AVPR2: variants seen among roughly 807,000 people sequenced by gnomAD.
AVPR2 encodes arginine vasopressin receptor 2, also known as vasopressin V2 receptor.
A neutral mutation model predicts 12.0 loss-of-function variants in AVPR2; 3 were observed. That is an observed-to-expected ratio of 0.25 (90% CI 0.11 to 0.64). AVPR2 has a LOEUF of 0.64. Among genes scored for constraint, AVPR2 ranks in the 30% least tolerant of loss-of-function variants. The pLI, the probability that AVPR2 is intolerant of heterozygous loss-of-function variation, is 0.84. For missense variants in AVPR2, 279 were observed against 347.9 expected (o/e 0.80, Z 1.58); for synonymous variants, 143 against 147.5 (o/e 0.97, Z 0.22).
rs1557100234 is a variant in AVPR2 at position 153,905,001 on chromosome X, C to T, written c.-145C>T. On this transcript the variant is annotated 5_prime_UTR_variant, in exon 2 of 4. Coordinates refer to ENST00000646375, the MANE Select transcript of AVPR2 (RefSeq NM_000054.7). ...CTGGCCATACTGCCACCGACACGTG[C>T]ACACACGCCAACAGGCATCTGCCAT... is the stretch of plus-strand genomic sequence containing the variant. The T allele has an allele frequency of 1.2e-6, 1 of 855,206 alleles. No homozygotes were observed. Among genetic ancestry groups the T allele is most frequent in the Non-Finnish European group, 1.7e-6 (1 of 573,986 alleles). The allele number at this position is 855,206 out of a possible 1,213,427, so 70.5% of individuals were successfully genotyped here.
At position 153,906,537 on chromosome X, in the gene AVPR2, C is replaced by A. The variant is rs1557101047; in HGVS notation, c.925C>A (p.Leu309Ile). The A allele has an allele frequency of 2.5e-6, 3 of 1,207,179 alleles. No homozygotes were observed. Among genetic ancestry groups the A allele is most frequent in the Middle Eastern group, 4.6e-4 (2 of 4,321 alleles). ...CACCTCCACAGGGGCGCCCTTTGTGCTACTCATGTTGCTGGCCAGCCTCAA... is the reference window on the plus strand; with the variant it reads ...CACCTCCACAGGGGCGCCCTTTGTGATACTCATGTTGCTGGCCAGCCTCAA... The part of the protein sequence containing the change: ...EAPLEGAPFV[L>I]LMLLASLNSC... Residue 309 changes from leucine to isoleucine, a missense_variant, in exon 4 of 4, where the codon CTA (leucine) becomes ATA (isoleucine). Leu to Ile is a conservative substitution (Grantham distance 5). Transcript: ENST00000646375.
chrX:153,902,997 C>A, upstream of AVPR2: 1 of 235,956 alleles, frequency 4.2e-6, no homozygotes, highest in African/African-American at 2.8e-5. Flanking sequence ...CCGTAGTCTC[C>A]CTCAATCATC....
chrX:153,903,390 T>C (rs2064943021), upstream of AVPR2, among the ~76,000 whole-genome samples: 1 of 114,323 alleles, frequency 8.7e-6, no homozygotes, highest in African/African-American at 3.2e-5. Context: ...GCTGCGGGTG[T>C]GTGCGTGTGT....
At position 153,906,943 on chromosome X, in the gene AVPR2, T is replaced by C. The variant is rs1234566546; in HGVS notation, c.*215T>C. On this transcript the variant is annotated 3_prime_UTR_variant, in exon 4 of 4. Coordinates refer to ENST00000646375, the MANE Select transcript of AVPR2 (RefSeq NM_000054.7). ...AGGAGAGCTTCAGGCCCCAGGACTG[T>C]GGGGGCCCCTCAGGTCAGCTCACTG... 2.0e-6 allele frequency: 1 copy of C among 494,950 alleles called. No individual in the cohort carries two copies. The highest frequency in any genetic ancestry group is 3.6e-6 in the Non-Finnish European group (1 of 279,842). 40.8% of individuals were successfully genotyped at this position (494,950 alleles called of 1,213,427 possible). A position where few individuals can be genotyped will look rare whatever the true frequency, so the allele number is the denominator to read the frequency against.
Position 153,905,644 on chromosome X carries a change from A to C in AVPR2, c.138A>C (p.Ile46=), listed in dbSNP as rs782757546. 4 of 1,210,314 alleles carry C rather than the reference A, an allele frequency of 3.3e-6. No homozygotes were observed. In the South Asian group the frequency reaches 7.0e-5, roughly 21 times the overall value. The change falls in exon 3 of 4, where the codon ATA becomes ATC. Residue 46 remains isoleucine, a synonymous_variant. Transcript: ENST00000646375. ...LARAELALLS[I]VFVAVALSNG... Reference sequence around the variant, plus strand: ...GGGCGGAGCTGGCGCTGCTCTCCATAGTCTTTGTGGCTGTGGCCCTGAGCA... The same window carrying C: ...GGGCGGAGCTGGCGCTGCTCTCCATCGTCTTTGTGGCTGTGGCCCTGAGCA...
upstream of AVPR2, chrX:153,902,910 G>A (rs1393222248): frequency 6.0e-5 from 16 of 267,960 alleles, no homozygotes; most frequent in East Asian, 8.3e-4. Flanking sequence ...TGGATTCCTC[G>A]CCCTAGCCGG....
In AVPR2 at chrX:153,905,964, G is replaced by A. The variant is rs144674821; in HGVS notation, c.458G>A (p.Gly153Glu). 8.2e-5 allele frequency: 99 copies of A among 1,204,057 alleles called. No homozygotes were observed. Among genetic ancestry groups the A allele is most frequent in the Admixed American group, 2.0e-4 (9 of 46,103 alleles). Reference sequence around the variant, plus strand: ...ATGCTGGCGTACCGCCATGGAAGTGGGGCTCACTGGAACCGGCCGGTGCTA... The same window carrying A: ...ATGCTGGCGTACCGCCATGGAAGTGAGGCTCACTGGAACCGGCCGGTGCTA... ...RPMLAYRHGS[G>E]AHWNRPVLVA... is the part of the protein sequence containing the mutation. The change falls in exon 3 of 4, where the codon GGG (glycine) becomes GAG (glutamate). Residue 153 changes from glycine (G) to glutamate (E), a missense_variant. By Grantham distance (98) the Gly-to-Glu change is moderately conservative (BLOSUM62 -2). Transcript: ENST00000646375.
Position 153,905,688 on chromosome X carries a change from C to T in AVPR2, c.182C>T (p.Ala61Val). 1 of 1,211,417 alleles carries T rather than the reference C, an allele frequency of 8.3e-7. No individual in the cohort carries two copies. The highest frequency in any genetic ancestry group is 1.1e-6 in the Non-Finnish European group (1 of 895,333). ...CTGAGCAATGGCCTGGTGCTGGCGG[C>T]CCTAGCTCGGCGGGGCCGGCGGGGC... ...VALSNGLVLA[A>V]LARRGRRGHW... is the part of the protein sequence containing the mutation. Residue 61 changes from alanine to valine, a missense_variant, in exon 3 of 4, where the codon GCC becomes GTC. Physicochemically the swap from Ala to Val is moderately conservative, Grantham distance 64 (BLOSUM62 0). Transcript: ENST00000646375.
At chrX:153,903,229 A>G (rs781839968), upstream of AVPR2, among the ~76,000 whole-genome samples, 1 of 113,229 alleles carries the variant, frequency 8.8e-6, no homozygotes, top group South Asian at 3.6e-4. Flanking sequence ...TAGTGACAGC[A>G]TGCGGTTATT....
chrX:153,906,515 C>T lies in AVPR2; in HGVS notation c.911-8C>T, dbSNP rs898682344. Reference sequence around the variant, plus strand: ...CCTGAACCCAACCTAGATCCTCCACCTCCACAGGGGCGCCCTTTGTGCTAC... The same window carrying T: ...CCTGAACCCAACCTAGATCCTCCACTTCCACAGGGGCGCCCTTTGTGCTAC... On this transcript the variant is annotated splice_polypyrimidine_tract_variant and splice_region_variant and intron_variant, in intron 3 of 3. Transcript: ENST00000646375. 24 of 1,208,667 alleles carry T rather than the reference C, an allele frequency of 2.0e-5. No homozygotes were observed. The highest frequency in any genetic ancestry group is 2.6e-5 in the Non-Finnish European group (23 of 893,833).
In AVPR2 at chrX:153,907,048, G is replaced by A. The variant is rs782034775; in HGVS notation, c.*320G>A. 684 of 440,060 alleles carry A rather than the reference G, an allele frequency of 1.6e-3. 4 individuals carry two copies. The highest frequency in any genetic ancestry group is 5.1e-3 in the Middle Eastern group (8 of 1,584). 36.3% of individuals were successfully genotyped at this position (440,060 alleles called of 1,213,427 possible). On this transcript the variant is annotated 3_prime_UTR_variant, in exon 4 of 4. Coordinates refer to ENST00000646375, the MANE Select transcript of AVPR2 (RefSeq NM_000054.7). ...AGCAGGTGCCCCCAGGTGAGACAGC[G>A]GTCCCAGGGGCCTGAAAAGGAAGGA...
At chrX:153,904,792 G>GC in intron 1 of AVPR2, 21 bp downstream of exon 1, 1 of 357,568 alleles carries the variant, frequency 2.8e-6, no homozygotes, top group Non-Finnish European at 5.0e-6. Context: ...GCGCCTGCCT[G>GC]CCCCCCTGCC....
chrX:153,905,223 G>C (rs930239793), intron 2 of AVPR2, 53 bp downstream of exon 2: 1 of 1,199,603 alleles, frequency 8.3e-7, no homozygotes, highest in African/African-American at 1.8e-5. Flanking sequence ...TGACGATTCA[G>C]GGAAGCCCCT....
rs1557100900 is a variant in AVPR2, at chrX:153,906,328, A to G, written c.822A>G (p.Leu274=). 8.3e-7 allele frequency: 1 copy of G among 1,210,587 alleles called. No individual in the cohort carries two copies. Among genetic ancestry groups the G allele is most frequent in the African/African-American group, 1.7e-5 (1 of 57,343 alleles). ...TGGCCAAGACTGTGAGGATGACGCT[A>G]GTGATTGTGGTCGTCTATGTGCTGT... is the stretch of plus-strand genomic sequence containing the variant. ...AAVAKTVRMT[L]VIVVVYVLCW... The change falls in exon 3 of 4, where the codon CTA becomes CTG. Residue 274 remains leucine (L), a synonymous_variant. Coordinates refer to ENST00000646375, the MANE Select transcript of AVPR2 (RefSeq NM_000054.7).
upstream of AVPR2, chrX:153,902,653 G>A: frequency 3.0e-6 from 1 of 330,089 alleles, no homozygotes; most frequent in African/African-American, 2.6e-5. Context: ...TGGCTGAGCA[G>A]AATGGCACTG....
upstream of AVPR2, among the ~76,000 whole-genome samples, chrX:153,903,193 G>A (rs2064942078): frequency 8.8e-6 from 1 of 113,027 alleles, no homozygotes; most frequent in Non-Finnish European, 1.9e-5. Context: ...GGTGGCATTA[G>A]GAAGGCCTTT....
chrX:153,904,876 G>A, intron 1 of AVPR2, 98 bp from the exon 2 acceptor site: 1 of 449,304 alleles, frequency 2.2e-6, no homozygotes, highest in East Asian at 3.8e-5. Flanking sequence ...TCTGTCTGGG[G>A]TGCCCACTCC....
chrX:153,904,264 G>A (rs1243834811), upstream of AVPR2, among the ~76,000 whole-genome samples: 3 of 112,649 alleles, frequency 2.7e-5, no homozygotes, highest in East Asian at 8.4e-4. Flanking sequence ...AACTGGGGAG[G>A]AGGAGGGGCC....
chrX:153,905,123 A>G lies in AVPR2; in HGVS notation c.-23A>G. ...GTCCGCACATCACCTCCAGGCCCTC[A>G]GAACACCTGCCCCAGCCCCACCATG... is the stretch of plus-strand genomic sequence containing the variant. On this transcript the variant is annotated 5_prime_UTR_variant, in exon 2 of 4. Transcript: ENST00000646375. 8.3e-7 allele frequency: 1 copy of G among 1,211,982 alleles called. No homozygotes were observed. The highest frequency in any genetic ancestry group is 1.1e-6 in the Non-Finnish European group (1 of 895,384).
Sources: gnomAD v4.1 joint callset for allele counts (sites outside exome capture counted in the v4.1 genomes callset) on GRCh38, gnomAD v4.1.1 for gene constraint, MANE v1.5 for transcripts, NCBI Gene and HGNC (gene_info 2026-07-23, HGNC 2026-07-21) for gene names.